GLYATL2: variants seen among roughly 807,000 people sequenced by gnomAD.
GLYATL2 encodes the protein glycine N-acyltransferase-like protein 2.
A neutral mutation model predicts 21.4 loss-of-function variants in GLYATL2; 25 were observed. The observed-to-expected ratio is 1.17, with a 90% CI of 0.85 to 1.63. The LOEUF (loss-of-function observed/expected upper bound fraction) is 1.63. Among genes scored for constraint, GLYATL2 ranks in the 40% most tolerant of loss-of-function variants. The pLI is 0.00. For synonymous variants in GLYATL2, 114 were observed against 118.2 expected (o/e 0.96, Z 0.23); for missense variants, 361 against 343.3 (o/e 1.05, Z -0.41).
intron 1 of GLYATL2, among the ~76,000 whole-genome samples, chr11:58,882,609 G>A (rs1271457233): frequency 6.6e-6 from 1 of 152,088 alleles, no homozygotes; most frequent in Non-Finnish European, 1.5e-5. Flanking sequence ...GTCTATTCTG[G>A]CTTTTGTTGC....
rs372043704 is a variant in GLYATL2, at chr11:58,837,132, G to A, written c.359C>T (p.Ser120Leu). The change falls in exon 5 of 6, where the codon TCA (serine) becomes TTA (leucine). Residue 120 changes from serine (S) to leucine (L), a missense_variant. By Grantham distance (145) the Ser-to-Leu change is moderately radical (BLOSUM62 -2). Transcript: ENST00000287275. ...LDEAIRKVAT[S>L]KSVQVDYMKT... ...CATGTAATCTACCTGCACTGATTTT[G>A]AAGTTGCAACCTTTCTTATTGCTTC... The A allele has an allele frequency of 1.9e-6, 3 of 1,613,810 alleles. No homozygotes were observed. The highest frequency in any genetic ancestry group is 2.5e-6 in the Non-Finnish European group (3 of 1,179,906).
chr11:58,863,696 G>A (rs1043061428), intron 1 of GLYATL2, among the ~76,000 whole-genome samples: 6 of 152,092 alleles, frequency 3.9e-5, no homozygotes, highest in South Asian at 2.1e-4. Context: ...TGGAGGTTGG[G>A]TGTATGAGTT....
intron 1 of GLYATL2, chr11:58,885,098 T>G (rs1387210658): frequency 6.5e-6 from 1 of 153,172 alleles, no homozygotes; most frequent in African/African-American, 2.4e-5. Flanking sequence ...CCTTTGGTCT[T>G]TTCATCAATG....
At position 58,837,305 on chromosome 11, in the gene GLYATL2, A is replaced by T; in HGVS notation, c.279T>A (p.Asn93Lys). ...GCAAAGTTTGCTCCCAGCTGATTAC[A>T]TTGGAGTATGACAGGACTTCCTCTA... ...DKLEEVLSYSNVISWEQTLQI... is the reference protein window; with the variant it reads ...DKLEEVLSYSKVISWEQTLQI... The change falls in exon 4 of 6, where the codon AAT becomes AAA. Residue 93 changes from asparagine to lysine, a missense_variant. Coordinates refer to ENST00000287275, the MANE Select transcript of GLYATL2 (RefSeq NM_145016.4). 1 of 1,613,972 alleles carries T rather than the reference A, an allele frequency of 6.2e-7. No individual in the cohort carries two copies. Among genetic ancestry groups the T allele is most frequent in the Non-Finnish European group, 8.5e-7 (1 of 1,179,858 alleles).
chr11:58,839,456 C>A, intron 2 of GLYATL2, 79 bp downstream of exon 2: 2 of 774,842 alleles, frequency 2.6e-6, no homozygotes, highest in South Asian at 2.0e-5. Flanking sequence ...CCCATCTCCC[C>A]ATTAAGGTTA....
chr11:58,838,618 T>G (rs1853486570), intron 2 of GLYATL2, among the ~76,000 whole-genome samples: 2 of 152,204 alleles, frequency 1.3e-5, no homozygotes, highest in Admixed American at 6.5e-5. Context: ...CTGATATTCA[T>G]TCATTTCTAA....
chr11:58,901,819 C>G (rs1262890200), intron 1 of GLYATL2, among the ~76,000 whole-genome samples: 3 of 152,180 alleles, frequency 2.0e-5, no homozygotes, highest in Non-Finnish European at 4.4e-5. Flanking sequence ...AGCACTGCCC[C>G]ACTGGAGGTA....
intron 1 of GLYATL2, among the ~76,000 whole-genome samples, chr11:58,860,867 T>G (rs1264090682): frequency 6.6e-6 from 1 of 152,086 alleles, no homozygotes; most frequent in Non-Finnish European, 1.5e-5. Context: ...CATTGGATTT[T>G]GTTTTTTATT....
At chr11:58,899,511 A>G (rs1409846249) in intron 1 of GLYATL2, among the ~76,000 whole-genome samples, 1 of 152,250 alleles carries the variant, frequency 6.6e-6, no homozygotes, top group Non-Finnish European at 1.5e-5. Flanking sequence ...GGGAGAAAGA[A>G]CAACAAATAA....
chr11:58,836,697 T>TA (rs1853436896), intron 5 of GLYATL2, among the ~76,000 whole-genome samples: 2 of 152,178 alleles, frequency 1.3e-5, no homozygotes, highest in African/African-American at 2.4e-5. Context: ...TTTATATACT[T>TA]ATGTATTTTC....
chr11:58,894,888 G>A lies in GLYATL2; in HGVS notation n.60+9268C>T, dbSNP rs566565401. The stretch of plus-strand genomic sequence containing the variant: ...ATTTCAAAGGGTGGAAAATTCTTAC[G>A]TAAAAAATAAACTCGGGAACTTGGG... On this transcript the variant is annotated intron_variant and non_coding_transcript_variant, in intron 1 of 4. Transcript: ENST00000533636. Among the ~76,000 whole-genome samples, 279 of 152,286 alleles carry A rather than the reference G, an allele frequency of 1.8e-3. 3 individuals carry two copies. Among genetic ancestry groups the A allele is most frequent in the African/African-American group, 6.3e-3 (263 of 41,572 alleles).
chr11:58,874,328 T>G (rs1854185761), intron 1 of GLYATL2, among the ~76,000 whole-genome samples: 1 of 152,238 alleles, frequency 6.6e-6, no homozygotes, highest in African/African-American at 2.4e-5. Flanking sequence ...TGCCTTCTGC[T>G]AGCTTTTGAA....
chr11:58,838,757 A>C (rs1853489084), intron 2 of GLYATL2, among the ~76,000 whole-genome samples: 1 of 152,286 alleles, frequency 6.6e-6, no homozygotes, highest in Admixed American at 6.5e-5. Context: ...CTACAACCCT[A>C]AAGTTAAGTT....
At chr11:58,909,784 G>A in the GLYATL2 span, among the ~76,000 whole-genome samples, 2 of 152,032 alleles carry the variant, frequency 1.3e-5, no homozygotes, top group Non-Finnish European at 2.9e-5. Flanking sequence ...CCATATTGCT[G>A]GTAAAAATAT....
At chr11:58,861,944 C>A (rs1256917001) in intron 1 of GLYATL2, among the ~76,000 whole-genome samples, 2 of 152,070 alleles carry the variant, frequency 1.3e-5, no homozygotes, top group South Asian at 4.1e-4. Flanking sequence ...TGTGTCCTAA[C>A]ATTTGTTCTC....
Position 58,836,275 on chromosome 11 carries a change from C to T in GLYATL2, c.476+740G>A, listed in dbSNP as rs533848447. On this transcript the variant is annotated intron_variant, in intron 5 of 5. Coordinates refer to ENST00000287275, the MANE Select transcript of GLYATL2 (RefSeq NM_145016.4). ...ATTTTGGAAATATTTTATAATCTGT[C>T]GTGTAGAGCTACTTCATTCTTTTTA... 6.6e-5 allele frequency among the ~76,000 whole-genome samples: 10 copies of T among 152,172 alleles called. No individual in the cohort carries two copies. In the East Asian group the frequency reaches 1.2e-3, roughly 18 times the overall value.
chr11:58,888,119 G>T (rs1378568667), intron 1 of GLYATL2, among the ~76,000 whole-genome samples: 1 of 151,936 alleles, frequency 6.6e-6, no homozygotes, highest in East Asian at 1.9e-4. Flanking sequence ...AGTCATTTGG[G>T]GTTTACTTCT....
intron 1 of GLYATL2, among the ~76,000 whole-genome samples, chr11:58,903,130 A>T (rs1003979539): frequency 1.3e-5 from 2 of 152,216 alleles, no homozygotes; most frequent in Non-Finnish European, 2.9e-5. Context: ...TCCAATGATG[A>T]GCAAATGAAG....
At chr11:58,885,838 C>T (rs151102677) in intron 1 of GLYATL2, among the ~76,000 whole-genome samples, 1 of 152,168 alleles carries the variant, frequency 6.6e-6, no homozygotes, top group Non-Finnish European at 1.5e-5. Flanking sequence ...TGAAAGGAGG[C>T]CAATTTACAG....
Sources: allele counts gnomAD v4.1 joint callset (sites outside exome capture counted in the v4.1 genomes callset), GRCh38; gene constraint gnomAD v4.1.1; transcripts MANE v1.5; gene names NCBI Gene and HGNC (gene_info 2026-07-23, HGNC 2026-07-21).